Variants in LRFN5 observed in about 807,000 individuals in gnomAD.
The protein encoded by LRFN5 is leucine-rich repeat and fibronectin type-III domain-containing protein 5.
LRFN5 carries 24 observed loss-of-function variants against 45.6 expected under a neutral mutation model. The observed-to-expected ratio is 0.53, with a 90% confidence interval of 0.38 to 0.74. LRFN5 has a LOEUF of 0.74. Among genes scored for constraint, LRFN5 ranks in the 30% least tolerant of loss-of-function variants. The pLI, the probability that LRFN5 is intolerant of heterozygous loss-of-function variation, is 0.00. For missense variants in LRFN5, 776 were observed against 861.5 expected (o/e 0.90, Z 1.24); for synonymous variants, 340 against 313.8 (o/e 1.08, Z -0.88).
intron 1 of LRFN5, among the ~76,000 whole-genome samples, chr14:41,760,527 G>T (rs78231906): frequency 0.023 from 3,495 of 152,248 alleles, 46 homozygotes; most frequent in Middle Eastern, 0.037. Context: ...ACATGAATCA[G>T]AACGCTAAAG....
intron 1 of LRFN5, among the ~76,000 whole-genome samples, chr14:41,673,002 A>G (rs1348225290): frequency 6.6e-6 from 1 of 152,072 alleles, no homozygotes; most frequent in Non-Finnish European, 1.5e-5. Context: ...ACTAAGTTAA[A>G]TATATGAGAT....
chr14:41,738,635 C>T (rs1035295526), intron 1 of LRFN5, among the ~76,000 whole-genome samples: 3 of 152,058 alleles, frequency 2.0e-5, no homozygotes, highest in Non-Finnish European at 4.4e-5. Flanking sequence ...CTGAAAAATC[C>T]AGTGACAGTC....
chr14:41,820,936 A>G (rs1350143357), intron 2 of LRFN5, among the ~76,000 whole-genome samples: 1 of 152,074 alleles, frequency 6.6e-6, no homozygotes, highest in African/African-American at 2.4e-5. Flanking sequence ...GTGTATAGAC[A>G]TGCTACTGAA....
intron 2 of LRFN5, among the ~76,000 whole-genome samples, chr14:41,838,694 T>A (rs1303542491): frequency 6.6e-6 from 1 of 152,154 alleles, no homozygotes; most frequent in African/African-American, 2.4e-5. Context: ...TAGCAATATT[T>A]TGCAAAAGTC....
At chr14:41,775,158 T>G (rs1480922160) in intron 2 of LRFN5, among the ~76,000 whole-genome samples, 2 of 137,850 alleles carry the variant, frequency 1.5e-5, no homozygotes, top group Admixed American at 1.6e-4. Context: ...TGGCGCGATC[T>G]CGGCTCAATG....
At chr14:41,656,691 C>T (rs549434471) in intron 1 of LRFN5, among the ~76,000 whole-genome samples, 4 of 151,940 alleles carry the variant, frequency 2.6e-5, no homozygotes, top group South Asian at 4.1e-4. Context: ...TTCAAATGCT[C>T]AGCAAATCAG....
intron 3 of LRFN5, among the ~76,000 whole-genome samples, chr14:41,890,489 T>C (rs1018070915): frequency 6.6e-6 from 1 of 151,060 alleles, no homozygotes; most frequent in African/African-American, 2.4e-5. Context: ...GGGCGGATCA[T>C]GAGGTCAGGA....
chr14:41,893,399 T>A (rs1340435389), intron 4 of LRFN5: 1 of 985,100 alleles, frequency 1.0e-6, no homozygotes, highest in East Asian at 1.1e-4. Context: ...TATTTTGTTT[T>A]GTTTTGAGAA....
At chr14:41,759,072 G>A (rs928079978) in intron 1 of LRFN5, among the ~76,000 whole-genome samples, 3 of 151,920 alleles carry the variant, frequency 2.0e-5, no homozygotes, top group Non-Finnish European at 4.4e-5. Context: ...TAAGACACGT[G>A]GTACATCACA....
chr14:41,726,708 A>T (rs562767746), intron 1 of LRFN5, among the ~76,000 whole-genome samples: 45 of 152,284 alleles, frequency 3.0e-4, no homozygotes, highest in Admixed American at 1.4e-3. Context: ...CAGGTGGTTC[A>T]AAAGTATAAA....
intron 2 of LRFN5, among the ~76,000 whole-genome samples, chr14:41,819,750 G>A (rs542968554): frequency 1.3e-4 from 20 of 152,116 alleles, no homozygotes; most frequent in Middle Eastern, 3.4e-3. Context: ...TGCCAAGAAC[G>A]ATGGTGTTAA....
chr14:41,894,682 C>G lies in LRFN5; in HGVS notation c.2098+2720C>G, dbSNP rs996626563. ...ACAGAAAAGGTGGGAATGATATTAC[C>G]TATCATGATGTCTGAAACATAATTG... On this transcript the variant is annotated intron_variant, in intron 4 of 5. Transcript: ENST00000298119. 6 of 984,944 alleles carry G rather than the reference C, an allele frequency of 6.1e-6. No homozygotes were observed. The Admixed American group carries it at 3.7e-4, about 61-fold the overall frequency. 61.0% of individuals were successfully genotyped at this position (984,944 alleles called of 1,614,324 possible).
rs1360082505 is a variant in LRFN5, at chr14:41,855,947, A to G, written c.-20-30659A>G. On this transcript the variant is annotated intron_variant, in intron 2 of 5. Coordinates refer to ENST00000298119, the MANE Select transcript of LRFN5 (RefSeq NM_152447.5). ...TTAAATACAACTTAGAGAATCATCA[A>G]TAATTCTTTATTTTAAAGTATTTAA... 3.3e-5 allele frequency among the ~76,000 whole-genome samples: 5 copies of G among 152,206 alleles called. No individual in the cohort carries two copies. In the South Asian group the frequency reaches 6.2e-4, roughly 19 times the overall value.
chr14:41,749,191 A>C (rs966955741), intron 1 of LRFN5, among the ~76,000 whole-genome samples: 1 of 146,354 alleles, frequency 6.8e-6, no homozygotes, highest in African/African-American at 2.4e-5. Context: ...ATGACAATTA[A>C]ATTTCCAATA....
At chr14:41,847,184 G>A (rs1889098535) in intron 2 of LRFN5, among the ~76,000 whole-genome samples, 1 of 151,930 alleles carries the variant, frequency 6.6e-6, no homozygotes, top group South Asian at 2.1e-4. Flanking sequence ...TTGCCCTTCT[G>A]CTCCATGAGG....
chr14:41,792,552 T>G (rs1886962897), intron 2 of LRFN5, among the ~76,000 whole-genome samples: 1 of 150,504 alleles, frequency 6.6e-6, no homozygotes. Context: ...CCCAGAGTAT[T>G]AATATTAATA....
chr14:41,648,874 A>G (rs974480575), intron 1 of LRFN5, among the ~76,000 whole-genome samples: 1 of 152,214 alleles, frequency 6.6e-6, no homozygotes, highest in African/African-American at 2.4e-5. Flanking sequence ...ATAATATTCT[A>G]GAACTTGCCC....
At chr14:41,844,278 A>G (rs1369585051) in intron 2 of LRFN5, among the ~76,000 whole-genome samples, 2 of 152,146 alleles carry the variant, frequency 1.3e-5, no homozygotes, top group Non-Finnish European at 2.9e-5. Context: ...TCTACTAAAA[A>G]TACAAAAAAT....
chr14:41,673,939 C>CG (rs1371701800), intron 1 of LRFN5, among the ~76,000 whole-genome samples: 1 of 141,976 alleles, frequency 7.0e-6, no homozygotes, highest in African/African-American at 2.6e-5. Flanking sequence ...GCTGGCTGGG[C>CG]GGGGGGCTGA....
Sources: allele counts gnomAD v4.1 joint callset (sites outside exome capture counted in the v4.1 genomes callset), GRCh38; gene constraint gnomAD v4.1.1; transcripts MANE v1.5; gene names NCBI Gene and HGNC (gene_info 2026-07-23, HGNC 2026-07-21).